The following ERICH1 variants were observed in gnomAD, a reference collection of about 807,000 sequenced individuals.
ERICH1 encodes the protein glutamate rich 1.
ERICH1 carries 56 observed loss-of-function variants against 39.6 expected under a neutral mutation model. That is an observed-to-expected ratio of 1.41 (90% CI 1.14 to 1.77). The LOEUF is 1.77. Ranked by LOEUF, ERICH1 falls within the 40% of genes most tolerant of loss-of-function variation. The pLI is 0.00. For missense variants in ERICH1, 826 were observed against 575.4 expected, an observed-to-expected ratio of 1.44 and a Z score of -4.45; for synonymous variants, 313 against 223.6, an observed-to-expected ratio of 1.40 and a Z score of -3.57.
Position 700,309 on chromosome 8 carries a change from ACCCGCACACGCGCACAGG to A in ERICH1, c.170-7715_170-7698del, listed in dbSNP as rs1461006980. Among the ~76,000 whole-genome samples, 9 of 47,854 alleles carry A rather than the reference ACCCGCACACGCGCACAGG, an allele frequency of 1.9e-4. No homozygotes were observed. The East Asian group carries it at 2.0e-3, about 11-fold the overall frequency. 31.4% of individuals were successfully genotyped at this position (47,854 alleles called of 152,430 possible). ...CGCACAGGCCCGGACACGCGCACAG[ACCCGCACACGCGCACAGG>A]CCCGCACACGCGCACAGATCCGCAC... On this transcript the variant is annotated intron_variant, in intron 2 of 5. Coordinates refer to ENST00000262109, the MANE Select transcript of ERICH1 (RefSeq NM_207332.3).
At chr8:701,747 G>C (rs1035566132) in intron 2 of ERICH1, among the ~76,000 whole-genome samples, 3 of 152,156 alleles carry the variant, frequency 2.0e-5, no homozygotes, top group African/African-American at 4.8e-5. Context: ...AATTAAAGAT[G>C]ATGTCACATT....
Position 673,855 on chromosome 8 carries a change from T to C in ERICH1, c.497A>G (p.Lys166Arg). 1 of 1,613,854 alleles carries C rather than the reference T, an allele frequency of 6.2e-7. No individual in the cohort carries two copies. The highest frequency in any genetic ancestry group is 8.5e-7 in the Non-Finnish European group (1 of 1,180,002). The change falls in exon 4 of 6, where the codon AAA becomes AGA. Residue 166 changes from lysine to arginine, a missense_variant. Lys to Arg is a conservative substitution (Grantham distance 26, BLOSUM62 2). Coordinates refer to ENST00000262109, the MANE Select transcript of ERICH1 (RefSeq NM_207332.3). ...TISKNKKRKL[K>R]KKQQIKRKKA... Reference sequence around the variant, plus strand: ...CTTCCTTTTAATTTGCTGTTTCTTTTTCAGTTTCCTTTTTTTATTTTTGCT... The same window carrying C: ...CTTCCTTTTAATTTGCTGTTTCTTTCTCAGTTTCCTTTTTTTATTTTTGCT...
chr8:655,301 C>G (rs929408866), intron 3 of ERICH1, among the ~76,000 whole-genome samples: 1 of 152,202 alleles, frequency 6.6e-6, no homozygotes, highest in African/African-American at 2.4e-5. Flanking sequence ...CGCCCTCATG[C>G]CACAGGCAGG....
At chr8:722,489 T>G (rs963169959) in intron 1 of ERICH1, among the ~76,000 whole-genome samples, 4 of 152,222 alleles carry the variant, frequency 2.6e-5, no homozygotes, top group Non-Finnish European at 5.9e-5. Context: ...AATCTTTCAG[T>G]AAAGTGTTCT....
chr8:621,144 A>T (rs1410759134), intron 3 of ERICH1, among the ~76,000 whole-genome samples: 1 of 152,024 alleles, frequency 6.6e-6, no homozygotes, highest in Admixed American at 6.6e-5. Context: ...AATATGTGAA[A>T]ATTAAACAAT....
intron 2 of ERICH1, among the ~76,000 whole-genome samples, chr8:693,599 G>A (rs1217086423): frequency 6.6e-6 from 1 of 150,752 alleles, no homozygotes; most frequent in East Asian, 2.0e-4. Context: ...GTGCCCCTCT[G>A]CATACGGAAC....
Position 707,208 on chromosome 8 carries a change from C to CTTTT in ERICH1, c.169+8649_169+8652dup, listed in dbSNP as rs71528615. ...TGTGGCCAACTGATTTTTTTTGTTT[C>CTTTT]TTTTTTTTTTTTTTTTTTAGACAGA... On this transcript the variant is annotated intron_variant, in intron 2 of 5. Transcript: ENST00000262109. Among the ~76,000 whole-genome samples, 6 of 136,418 alleles carry CTTTT rather than the reference C, an allele frequency of 4.4e-5. 1 individual carries two copies. The highest frequency in any genetic ancestry group is 4.7e-5 in the Non-Finnish European group (3 of 64,138). 89.5% of individuals were successfully genotyped at this position (136,418 alleles called of 152,430 possible).
chr8:708,625 G>C (rs1052440565), intron 2 of ERICH1, among the ~76,000 whole-genome samples: 4 of 149,832 alleles, frequency 2.7e-5, no homozygotes, highest in Admixed American at 6.7e-5. Context: ...CAGATTAGTG[G>C]TTTCCAGAGG....
chr8:623,710 G>A (rs907797879), intron 3 of ERICH1, among the ~76,000 whole-genome samples: 8 of 152,148 alleles, frequency 5.3e-5, no homozygotes, highest in African/African-American at 1.4e-4. Context: ...AAAACATGAA[G>A]TTGAACCCCT....
chr8:622,061 A>G (rs554843768), intron 3 of ERICH1, among the ~76,000 whole-genome samples: 1 of 152,188 alleles, frequency 6.6e-6, no homozygotes, highest in East Asian at 1.9e-4. Flanking sequence ...GAAAATAAAA[A>G]TGAAAAAAAT....
chr8:638,819 GTCA>G (rs1224872735), intron 3 of ERICH1, among the ~76,000 whole-genome samples: 3 of 152,026 alleles, frequency 2.0e-5, no homozygotes, highest in Non-Finnish European at 4.4e-5. Context: ...CCGGCCTGTC[GTCA>G]TCGAGAGCAA....
At chr8:673,258 C>G in intron 4 of ERICH1, 31 bp downstream of exon 4, 1 of 1,563,540 alleles carries the variant, frequency 6.4e-7, no homozygotes, top group South Asian at 1.2e-5. Flanking sequence ...GTGGATGTCA[C>G]TATGCAAGAG....
intron 2 of ERICH1, among the ~76,000 whole-genome samples, chr8:714,011 G>T (rs1815373070): frequency 1.5e-5 from 2 of 133,058 alleles, no homozygotes; most frequent in Non-Finnish European, 3.2e-5. Flanking sequence ...GCCTCTTCCG[G>T]CATCTCTCGG....
In ERICH1 at chr8:708,681, G is replaced by GTTTTTTTTTTTTTTTTTTTTTTTTTTTTT. The variant is rs139731216; in HGVS notation, c.169+7151_169+7179dup. On this transcript the variant is annotated intron_variant, in intron 2 of 5. Transcript: ENST00000262109. ...GGGCTGAGTGGTTACGGGATAATGA[G>GTTTTTTTTTTTTTTTTTTTTTTTTTTTTT]TTTTTTTTTTTTTTTTTTTTTTTTT... 1.2e-4 allele frequency among the ~76,000 whole-genome samples: 8 copies of GTTTTTTTTTTTTTTTTTTTTTTTTTTTTT among 65,776 alleles called. 1 individual carries two copies. Among genetic ancestry groups the GTTTTTTTTTTTTTTTTTTTTTTTTTTTTT allele is most frequent in the Non-Finnish European group, 2.1e-4 (7 of 33,646 alleles). 43.2% of individuals were successfully genotyped at this position (65,776 alleles called of 152,430 possible). A position where few individuals can be genotyped will look rare whatever the true frequency, so the allele number is the denominator to read the frequency against.
chr8:706,677 G>A (rs1292359907), intron 2 of ERICH1, among the ~76,000 whole-genome samples: 2 of 152,114 alleles, frequency 1.3e-5, no homozygotes, highest in African/African-American at 2.4e-5. Flanking sequence ...TACTCAGGCT[G>A]GAGAACTGCT....
At chr8:684,623 C>T (rs879433166) in intron 3 of ERICH1, among the ~76,000 whole-genome samples, 5 of 152,244 alleles carry the variant, frequency 3.3e-5, no homozygotes, top group Middle Eastern at 3.4e-3. Context: ...CATCTGTTTA[C>T]CTCCTGGGGA....
At chr8:636,505 G>T (rs967473954) in intron 3 of ERICH1, among the ~76,000 whole-genome samples, 1 of 152,226 alleles carries the variant, frequency 6.6e-6, no homozygotes, top group Admixed American at 6.5e-5. Context: ...ATCTGCCTGG[G>T]TTCTGCCCCA....
intron 3 of ERICH1, chr8:615,502 C>A (rs1796858420): frequency 2.3e-6 from 1 of 440,482 alleles, no homozygotes; most frequent in Non-Finnish European, 4.0e-6. Flanking sequence ...TGCACTGACA[C>A]CATTCCTGCA....
At chr8:671,152 T>C (rs1392373087) in intron 4 of ERICH1, among the ~76,000 whole-genome samples, 2 of 142,276 alleles carry the variant, frequency 1.4e-5, no homozygotes, top group African/African-American at 2.7e-5. Context: ...CCGGTTCTAA[T>C]GTCTGTGCTC....
Sources: allele counts gnomAD v4.1 joint callset (sites outside exome capture counted in the v4.1 genomes callset), GRCh38; gene constraint gnomAD v4.1.1; transcripts MANE v1.5; gene names NCBI Gene and HGNC (gene_info 2026-07-23, HGNC 2026-07-21).